Variants in RHBDD1 observed in about 807,000 individuals in gnomAD.
RHBDD1 encodes rhomboid-related protein 4.
A neutral mutation model predicts 36.3 loss-of-function variants in RHBDD1; 38 were observed. The ratio of observed to expected loss-of-function variants is 1.05; its 90% confidence interval spans 0.81 to 1.37. The LOEUF is 1.37. RHBDD1 is among the 40% of genes most tolerant of loss of function. The pLI is 0.00. For synonymous variants in RHBDD1, 151 were observed against 136.5 expected, an observed-to-expected ratio of 1.11 and a Z score of -0.74; for missense variants, 393 against 377.6, an observed-to-expected ratio of 1.04 and a Z score of -0.34.
chr2:226,837,703 A>T (rs1941129040), intron 1 of RHBDD1: 1 of 152,096 alleles, frequency 6.6e-6, no homozygotes, highest in Non-Finnish European at 1.5e-5. Context: ...CGCCCAGCTA[A>T]TTTTTGTATT....
At position 226,901,176 on chromosome 2, in the gene RHBDD1, G is replaced by T. The variant is rs777523201; in HGVS notation, c.567-5617G>T. ...AGGAAAATGCCATCTAGATTTGTCC[G>T]TGTTGTCTTAAATGGCAGGATTTCC... On this transcript the variant is annotated intron_variant, in intron 5 of 8. Coordinates refer to ENST00000392062, the MANE Select transcript of RHBDD1 (RefSeq NM_001167608.3). Among the ~76,000 whole-genome samples, 8 of 152,198 alleles carry T rather than the reference G, an allele frequency of 5.3e-5. No individual in the cohort carries two copies. In the South Asian group the frequency reaches 1.7e-3, roughly 32 times the overall value.
chr2:226,927,734 G>A (rs752286913), intron 8 of RHBDD1, among the ~76,000 whole-genome samples: 1 of 151,856 alleles, frequency 6.6e-6, no homozygotes, highest in Admixed American at 6.6e-5. Context: ...TCTGTTTATC[G>A]ACTACCTATA....
At chr2:226,982,511 G>A (rs1203103608) in intron 8 of RHBDD1, among the ~76,000 whole-genome samples, 3 of 152,236 alleles carry the variant, frequency 2.0e-5, no homozygotes, top group Admixed American at 6.5e-5. Context: ...ATCAATAGAT[G>A]TAATACATCT....
intron 8 of RHBDD1, chr2:226,935,214 T>G (rs937794538): frequency 1.4e-4 from 22 of 152,122 alleles, no homozygotes; most frequent in Admixed American, 6.6e-4. Flanking sequence ...TCTCTAGATG[T>G]AAAAACCGGG....
At chr2:226,847,007 T>C (rs938228822) in intron 3 of RHBDD1, among the ~76,000 whole-genome samples, 4 of 152,210 alleles carry the variant, frequency 2.6e-5, no homozygotes, top group Admixed American at 6.5e-5. Context: ...AGTTGTTAAC[T>C]GCACATGTGG....
chr2:226,819,977 G>GTTTT, the RHBDD1 span, among the ~76,000 whole-genome samples: 11 of 118,270 alleles, frequency 9.3e-5, no homozygotes, highest in Non-Finnish European at 1.5e-4. Context: ...TATTGTGTGT[G>GTTTT]TTTTTTTTTT....
chr2:226,834,155 G>T (rs1940811674), upstream of RHBDD1, among the ~76,000 whole-genome samples: 1 of 152,130 alleles, frequency 6.6e-6, no homozygotes, highest in Non-Finnish European at 1.5e-5. Flanking sequence ...TGCATTTGAT[G>T]TATTATACGG....
intron 8 of RHBDD1, among the ~76,000 whole-genome samples, chr2:226,992,802 A>C (rs981505676): frequency 1.5e-4 from 23 of 152,212 alleles, no homozygotes; most frequent in African/African-American, 5.5e-4. Flanking sequence ...ACCGATGGCC[A>C]CGTGGGGAAG....
chr2:226,932,800 T>C (rs1310046142), intron 8 of RHBDD1, among the ~76,000 whole-genome samples: 2 of 152,236 alleles, frequency 1.3e-5, no homozygotes, highest in East Asian at 3.9e-4. Flanking sequence ...TTAGAGGGTA[T>C]GTTTTATTTT....
chr2:226,908,741 A>C, intron 6 of RHBDD1, 81 bp from the exon 7 acceptor site: 1 of 946,978 alleles, frequency 1.1e-6, no homozygotes, highest in Non-Finnish European at 1.7e-6. Context: ...GGCTTTGTCC[A>C]GAGAACTTTC....
intron 7 of RHBDD1, among the ~76,000 whole-genome samples, chr2:226,912,406 T>C (rs1387999808): frequency 6.6e-6 from 1 of 152,134 alleles, no homozygotes; most frequent in African/African-American, 2.4e-5. Flanking sequence ...TGCTCACAAA[T>C]GTTTATAGCA....
chr2:226,849,952 T>C (rs1351184193), intron 3 of RHBDD1, among the ~76,000 whole-genome samples: 1 of 152,218 alleles, frequency 6.6e-6, no homozygotes, highest in Non-Finnish European at 1.5e-5. Context: ...CTTGCTTCCC[T>C]ATTCCCCAGT....
At chr2:226,875,131 T>C (rs1945119624) in intron 5 of RHBDD1, among the ~76,000 whole-genome samples, 1 of 152,230 alleles carries the variant, frequency 6.6e-6, no homozygotes, top group African/African-American at 2.4e-5. Flanking sequence ...GGGCTGTTTC[T>C]TGTTTACCTT....
At chr2:226,892,334 A>G (rs970310117) in intron 5 of RHBDD1, among the ~76,000 whole-genome samples, 1 of 152,160 alleles carries the variant, frequency 6.6e-6, no homozygotes, top group African/African-American at 2.4e-5. Flanking sequence ...AGATTTAACC[A>G]CAAGCAGAAT....
chr2:226,866,902 C>T (rs1006441504), intron 4 of RHBDD1, among the ~76,000 whole-genome samples: 8 of 151,954 alleles, frequency 5.3e-5, no homozygotes, highest in African/African-American at 9.7e-5. Context: ...AGTTCACTGG[C>T]GTTTAATACT....
chr2:226,979,580 C>G (rs891523877), intron 8 of RHBDD1, among the ~76,000 whole-genome samples: 1 of 152,158 alleles, frequency 6.6e-6, no homozygotes, highest in Non-Finnish European at 1.5e-5. Flanking sequence ...GGAGAGGAAG[C>G]AAGCATCCCG....
At chr2:226,822,721 T>C in the RHBDD1 span, among the ~76,000 whole-genome samples, 563 of 151,990 alleles carry the variant, frequency 3.7e-3, 3 homozygotes, top group African/African-American at 0.012. Context: ...CCCTCCAAAA[T>C]TCATATGTTG....
chr2:226,879,862 CT>C (rs1945558154), intron 5 of RHBDD1, among the ~76,000 whole-genome samples: 1 of 152,126 alleles, frequency 6.6e-6, no homozygotes, highest in Non-Finnish European at 1.5e-5. Flanking sequence ...GAATTTTGGT[CT>C]TCTCAGAGTT....
chr2:226,825,217 G>A, the RHBDD1 span, among the ~76,000 whole-genome samples: 1 of 152,094 alleles, frequency 6.6e-6, no homozygotes, highest in Non-Finnish European at 1.5e-5. Flanking sequence ...AATGTGATTT[G>A]ACAGCTGTGG....
Sources: gnomAD v4.1 joint callset for allele counts (sites outside exome capture counted in the v4.1 genomes callset) on GRCh38, gnomAD v4.1.1 for gene constraint, MANE v1.5 for transcripts, NCBI Gene and HGNC (gene_info 2026-07-23, HGNC 2026-07-21) for gene names.